MYT1L: variants seen among roughly 807,000 people sequenced by gnomAD.
MYT1L encodes the protein myelin transcription factor 1 like, also known as myelin transcription factor 1-like protein.
In MYT1L, 12 loss-of-function variants were observed where a neutral mutation model predicts 126.7. The observed-to-expected ratio is 0.09, with a 90% CI of 0.06 to 0.15. The LOEUF is 0.15. MYT1L is among the 10% of genes least tolerant of loss of function. MYT1L has a pLI of 1.00. For missense variants in MYT1L, 979 were observed against 1,585.2 expected (o/e 0.62, Z 6.49); for synonymous variants, 541 against 604.2 (o/e 0.90, Z 1.53).
intron 4 of MYT1L, among the ~76,000 whole-genome samples, chr2:2,025,403 T>C (rs898346419): frequency 6.6e-6 from 1 of 152,216 alleles, no homozygotes; most frequent in African/African-American, 2.4e-5. Context: ...GGCTGTGCTG[T>C]GTTTATCTTG....
At chr2:2,000,215 A>G (rs1019949597) in intron 4 of MYT1L, among the ~76,000 whole-genome samples, 4 of 151,874 alleles carry the variant, frequency 2.6e-5, no homozygotes, top group Non-Finnish European at 5.9e-5. Context: ...GTCCTGTCCC[A>G]GGGCAGGGGT....
intron 8 of MYT1L, among the ~76,000 whole-genome samples, chr2:1,951,303 G>A (rs1033148563): frequency 6.6e-6 from 1 of 151,938 alleles, no homozygotes; most frequent in African/African-American, 2.4e-5. Context: ...AACCCTTAGG[G>A]ACACAGGGGT....
intron 21 of MYT1L, among the ~76,000 whole-genome samples, chr2:1,821,794 C>CCCG (rs1220426357): frequency 6.6e-6 from 1 of 152,152 alleles, no homozygotes; most frequent in Non-Finnish European, 1.5e-5. Flanking sequence ...CCGCTGGATT[C>CCCG]CCGGAGCCAC....
Position 2,025,658 on chromosome 2 carries a change from G to A in MYT1L, c.-157-28311C>T, listed in dbSNP as rs569836078. Among the ~76,000 whole-genome samples the A allele has an allele frequency of 4.6e-5, 7 of 152,304 alleles. No individual in the cohort carries two copies. The South Asian group carries it at 1.5e-3, about 32-fold the overall frequency. The stretch of plus-strand genomic sequence containing the variant: ...AATACGCCCAAGTCTTCCTGAGCAC[G>A]TGTGGTGCACCCAGCTCCCTGGTGG... On this transcript the variant is annotated intron_variant, in intron 4 of 24. Transcript: ENST00000647738.
chr2:2,256,476 T>C (rs940737459), intron 2 of MYT1L, among the ~76,000 whole-genome samples: 3 of 152,214 alleles, frequency 2.0e-5, no homozygotes, highest in African/African-American at 7.2e-5. Flanking sequence ...AGCAGCAGAA[T>C]GGAGTAGTGG....
chr2:2,265,676 C>A (rs1266384993), intron 2 of MYT1L, among the ~76,000 whole-genome samples: 1 of 152,120 alleles, frequency 6.6e-6, no homozygotes, highest in Non-Finnish European at 1.5e-5. Flanking sequence ...ATTATTTAAT[C>A]TTTTGGTAAC....
rs978086225 is a variant in MYT1L at position 1,917,698 on chromosome 2, T to C, written c.1484-359A>G. On this transcript the variant is annotated intron_variant, in intron 10 of 24. Transcript: ENST00000647738. The surrounding 1 kb of genome is among the most constrained non-coding windows in gnomAD (Gnocchi z 5.9). ...GTGACCTTCTTAGAGAACGAAATTC[T>C]GTGCCATCATCATTCAGCAATTTTC... 1.3e-5 allele frequency among the ~76,000 whole-genome samples: 2 copies of C among 152,246 alleles called. No homozygotes were observed. Among genetic ancestry groups the C allele is most frequent in the Admixed American group, 1.3e-4 (2 of 15,286 alleles).
At chr2:1,865,483 C>T (rs2148658257) in intron 18 of MYT1L, among the ~76,000 whole-genome samples, 1 of 152,306 alleles carries the variant, frequency 6.6e-6, no homozygotes, top group East Asian at 1.9e-4. Context: ...TTAGTTTCTG[C>T]ATCTGTAAAA....
chr2:2,203,814 G>A (rs980607061), intron 2 of MYT1L, among the ~76,000 whole-genome samples: 2 of 152,146 alleles, frequency 1.3e-5, no homozygotes, highest in Non-Finnish European at 2.9e-5. Flanking sequence ...TCAATCCTAA[G>A]CCAAAAGAAC....
intron 5 of MYT1L, among the ~76,000 whole-genome samples, chr2:1,984,827 T>C (rs527867859): frequency 6.6e-6 from 1 of 152,266 alleles, no homozygotes; most frequent in East Asian, 1.9e-4. Flanking sequence ...ATATTTTAAA[T>C]GCACGAAAAT....
chr2:2,267,666 A>G (rs1242488054), intron 2 of MYT1L, among the ~76,000 whole-genome samples: 1 of 152,168 alleles, frequency 6.6e-6, no homozygotes, highest in Non-Finnish European at 1.5e-5. Context: ...GCAACCAGCT[A>G]GCATGAACTC....
intron 1 of MYT1L, among the ~76,000 whole-genome samples, chr2:2,308,175 C>T (rs1393367312): frequency 2.0e-5 from 3 of 151,696 alleles, no homozygotes; most frequent in African/African-American, 4.8e-5. Flanking sequence ...CTACTCTTCA[C>T]TATAATCTAC....
rs1164741537 is a variant in MYT1L at position 1,917,613 on chromosome 2, C to T, written c.1484-274G>A. Among the ~76,000 whole-genome samples, 1 of 152,064 alleles carries T rather than the reference C, an allele frequency of 6.6e-6. No individual in the cohort carries two copies. Among genetic ancestry groups the T allele is most frequent in the Non-Finnish European group, 1.5e-5 (1 of 68,020 alleles). On this transcript the variant is annotated intron_variant, in intron 10 of 24. Transcript: ENST00000647738. This position sits in a 1 kb window ranked among gnomAD's most constrained non-coding sequence, Gnocchi z 5.9. ...ACCTTAACTCTGATTCATTATTTTC[C>T]CGTGTGTTACATGATAAGCTGTGTT...
chr2:1,798,423 C>T (rs936191078), intron 23 of MYT1L, among the ~76,000 whole-genome samples: 13 of 152,212 alleles, frequency 8.5e-5, no homozygotes, highest in African/African-American at 3.1e-4. Context: ...GAGCACTGAC[C>T]CTACCGTTCT....
chr2:2,071,320 T>C (rs2074569367), intron 3 of MYT1L, among the ~76,000 whole-genome samples: 1 of 152,206 alleles, frequency 6.6e-6, no homozygotes, highest in South Asian at 2.1e-4. Context: ...TGTTTAATCA[T>C]CACTGATTCA....
Position 1,789,498 on chromosome 2 carries a change from A to G in MYT1L, c.*2369T>C, listed in dbSNP as rs1331202932. 1 of 152,260 alleles carries G rather than the reference A, an allele frequency of 6.6e-6. No individual in the cohort carries two copies. The allele number at this position is 152,260 out of a possible 1,614,324, so 9.4% of individuals were successfully genotyped here. ...TGTGATCCCTATATAATAGTCACAG[A>G]TAACTTTTGATTTGAGATTATGTAC... On this transcript the variant is annotated 3_prime_UTR_variant, in exon 25 of 25. Coordinates refer to ENST00000647738, the MANE Select transcript of MYT1L (RefSeq NM_001303052.2).
chr2:1,902,889 A>G (rs2050541011), intron 14 of MYT1L, 191 bp downstream of exon 14: 1 of 584,598 alleles, frequency 1.7e-6, no homozygotes. Context: ...CTTCCCCTGA[A>G]GTTTTGCTCA....
intron 5 of MYT1L, among the ~76,000 whole-genome samples, chr2:1,992,286 A>C (rs1215853221): frequency 6.6e-6 from 1 of 152,194 alleles, no homozygotes; most frequent in East Asian, 1.9e-4. Flanking sequence ...TTAAAATAAT[A>C]CTTGGCTAGT....
At chr2:2,108,569 C>T (rs565693552) in intron 3 of MYT1L, among the ~76,000 whole-genome samples, 24 of 152,292 alleles carry the variant, frequency 1.6e-4, no homozygotes, top group East Asian at 5.8e-4. Flanking sequence ...TCCTATCACA[C>T]CAAATGATGT....
Sources: allele counts gnomAD v4.1 joint callset (sites outside exome capture counted in the v4.1 genomes callset), GRCh38; gene constraint gnomAD v4.1.1; non-coding constraint Gnocchi (gnomAD v3.1); transcripts MANE v1.5; gene names NCBI Gene and HGNC (gene_info 2026-07-23, HGNC 2026-07-21).